TTC34: variants seen among roughly 807,000 people sequenced by gnomAD.
The protein encoded by TTC34 is tetratricopeptide repeat protein 34.
In TTC34, 44 loss-of-function variants were observed where a neutral mutation model predicts 40.7. The observed-to-expected ratio is 1.08, with a 90% CI of 0.85 to 1.39. The LOEUF is 1.39. TTC34 is among the 40% of genes most tolerant of loss of function. The pLI, the probability that TTC34 is intolerant of heterozygous loss-of-function variation, is 0.00. For missense variants in TTC34, 884 were observed against 838.0 expected (o/e 1.05, Z -0.68); for synonymous variants, 422 against 398.6 (o/e 1.06, Z -0.70).
chr1:2,787,059 G>C (rs1643599875), intron 4 of TTC34, among the ~76,000 whole-genome samples: 1 of 152,176 alleles, frequency 6.6e-6, no homozygotes, highest in Non-Finnish European at 1.5e-5. Context: ...GGGAGCAGGG[G>C]GTCTTGGAGG....
chr1:2,686,533 C>T (rs1363563674), intron 6 of TTC34, among the ~76,000 whole-genome samples: 1 of 110,472 alleles, frequency 9.1e-6, no homozygotes, highest in Non-Finnish European at 1.8e-5. Flanking sequence ...CCCAGGGGAG[C>T]ATCTGACAGC....
chr1:2,794,267 A>G (rs1340744129), intron 2 of TTC34, among the ~76,000 whole-genome samples: 1 of 152,174 alleles, frequency 6.6e-6, no homozygotes, highest in Non-Finnish European at 1.5e-5. Context: ...TCAGCCTCCA[A>G]AAGTGCTGGG....
chr1:2,750,237 C>A (rs1641270424), intron 6 of TTC34, among the ~76,000 whole-genome samples: 9 of 152,188 alleles, frequency 5.9e-5, no homozygotes, highest in African/African-American at 9.6e-5. Flanking sequence ...TGGAGCAGCA[C>A]CCACACCCAC....
intron 6 of TTC34, among the ~76,000 whole-genome samples, chr1:2,750,735 G>A (rs1641291828): frequency 4.8e-5 from 7 of 145,190 alleles, no homozygotes; most frequent in Non-Finnish European, 7.5e-5. Context: ...ACCCCCAGGT[G>A]AGCATCTGAT....
chr1:2,685,240 C>CG (rs371041549), intron 6 of TTC34, among the ~76,000 whole-genome samples: 5 of 23,172 alleles, frequency 2.2e-4, no homozygotes, highest in African/African-American at 7.8e-4. Flanking sequence ...CACCCACACC[C>CG]CAGGTGAGCA....
At chr1:2,640,698 C>T (rs1638882927) in exon 9 of TTC34, 1 of 152,086 alleles carries the variant, frequency 6.6e-6, no homozygotes. Context: ...AAGCAAAACG[C>T]AGCTTCACAC....
Position 2,787,587 on chromosome 1 carries a change from T to A in TTC34, c.1748A>T (p.His583Leu), listed in dbSNP as rs1234250703. The change falls in exon 4 of 9, where the codon CAC becomes CTC. Residue 583 changes from histidine to leucine, a missense_variant. Physicochemically the swap from His to Leu is moderately conservative, Grantham distance 99 (BLOSUM62 -3). Transcript: ENST00000401095. Reference sequence around the variant, plus strand: ...GGATAGGGCCACCAGCAGGGCCTTGTGGGTCTCCTCCAGGCGGCCCAGGCG... The same window carrying A: ...GGATAGGGCCACCAGCAGGGCCTTGAGGGTCTCCTCCAGGCGGCCCAGGCG... The A allele has an allele frequency of 2.6e-6, 4 of 1,549,172 alleles. No individual in the cohort carries two copies. The East Asian group carries it at 9.8e-5, about 38-fold the overall frequency.
In TTC34 at chr1:2,789,627, GC is replaced by G. The variant is rs904455888; in HGVS notation, c.1503del (p.Leu502CysfsTer54). 7.3e-7 allele frequency: 1 copy of G among 1,372,512 alleles called. No individual in the cohort carries two copies. The highest frequency in any genetic ancestry group is 1.7e-5 in the South Asian group (1 of 59,410). 85.0% of individuals were successfully genotyped at this position (1,372,512 alleles called of 1,614,324 possible). ...TCCTCCCGCAGCACCACCAGCAGCA[GC>G]CCCCGCTGGTTCCAGGGCACGTAGG... is the stretch of plus-strand genomic sequence containing the variant. On this transcript the variant is annotated frameshift_variant, in exon 3 of 9. Coordinates refer to ENST00000401095, the Ensembl canonical transcript of TTC34. LOFTEE classifies it high-confidence loss of function.
chr1:2,671,805 C>T, intron 6 of TTC34, among the ~76,000 whole-genome samples: 1 of 151,984 alleles, frequency 6.6e-6, no homozygotes, highest in Non-Finnish European at 1.5e-5. Flanking sequence ...AGGTGAGCAT[C>T]TGACCTCCCG....
Position 2,690,929 on chromosome 1 carries a change from C to A in TTC34, c.2227-45366G>T, listed in dbSNP as rs549386793. ...CAGGTGAGCATCTGACAGCCTGGAA[C>A]AGAACCCACACCTCCAGGTGAGCAT... On this transcript the variant is annotated intron_variant, in intron 6 of 8. Transcript: ENST00000401095. 8.0e-3 allele frequency among the ~76,000 whole-genome samples: 534 copies of A among 66,550 alleles called. 66 individuals carry two copies. The highest frequency in any genetic ancestry group is 0.026 in the African/African-American group (493 of 19,076). 43.7% of individuals were successfully genotyped at this position (66,550 alleles called of 152,430 possible). A position where few individuals can be genotyped will look rare whatever the true frequency, so the allele number is the denominator to read the frequency against.
chr1:2,768,079 C>A (rs1195554983), intron 6 of TTC34, among the ~76,000 whole-genome samples: 1 of 151,502 alleles, frequency 6.6e-6, no homozygotes, highest in African/African-American at 2.4e-5. Context: ...GGAACGGCAA[C>A]CCACATCCCC....
rs1015911842 is a variant in TTC34, at chr1:2,643,865, A to G, written c.2712+399T>C. On this transcript the variant is annotated intron_variant, in intron 8 of 8. Transcript: ENST00000401095. The stretch of plus-strand genomic sequence containing the variant: ...TGTAGTTCTGCCTCTGGGACCCCAA[A>G]GCCTGCTGTGCTCTTGGCCTCCCAG... 3.3e-5 allele frequency among the ~76,000 whole-genome samples: 5 copies of G among 152,222 alleles called. No individual in the cohort carries two copies. The South Asian group carries it at 1.0e-3, about 31-fold the overall frequency.
chr1:2,644,607 G>T, intron 7 of TTC34, 129 bp from the exon 8 acceptor site: 1 of 977,472 alleles, frequency 1.0e-6, no homozygotes, highest in Non-Finnish European at 1.5e-6. Context: ...CTCAGCCCAG[G>T]AAGAAGGAGC....
At position 2,641,656 on chromosome 1, in the gene TTC34, AC is replaced by A; in HGVS notation, c.2951del (p.Gly984ValfsTer5). ...CATCCCCCAGGCTCAGCAGCAGGCGACCCTGACGGCAGAAGTCCTCTGCCCG... is the reference window on the plus strand; with the variant it reads ...CATCCCCCAGGCTCAGCAGCAGGCGACCTGACGGCAGAAGTCCTCTGCCCG... On this transcript the variant is annotated frameshift_variant, in exon 9 of 9. Transcript: ENST00000401095. LOFTEE classifies it low-confidence loss of function (END_TRUNC). 6.5e-7 allele frequency: 1 copy of A among 1,535,274 alleles called. No homozygotes were observed.
rs1260421445 is a variant in TTC34, at chr1:2,652,129, AGGTGAG to A, written c.2227-6572_2227-6567del. Reference sequence around the variant, plus strand: ...GACTGGAACAGCACCCTGCACCCCCAGGTGAGCATCCGACAGCCTGGAACACAACCC... The same window carrying A: ...GACTGGAACAGCACCCTGCACCCCCACATCCGACAGCCTGGAACACAACCC... On this transcript the variant is annotated intron_variant, in intron 6 of 8. Transcript: ENST00000401095. 1.0e-4 allele frequency among the ~76,000 whole-genome samples: 14 copies of A among 134,444 alleles called. 1 individual carries two copies. Among genetic ancestry groups the A allele is most frequent in the South Asian group, 2.6e-4 (1 of 3,884 alleles). 88.2% of individuals were successfully genotyped at this position (134,444 alleles called of 152,430 possible). A position where few individuals can be genotyped will look rare whatever the true frequency, so the allele number is the denominator to read the frequency against.
At chr1:2,649,768 C>T (rs1639089209) in intron 6 of TTC34, among the ~76,000 whole-genome samples, 2 of 152,192 alleles carry the variant, frequency 1.3e-5, no homozygotes, top group African/African-American at 4.8e-5. Flanking sequence ...CCCACCTCGG[C>T]CTCCCAAAGT....
intron 6 of TTC34, among the ~76,000 whole-genome samples, chr1:2,751,408 C>G (rs1412841374): frequency 8.1e-6 from 1 of 124,138 alleles, no homozygotes; most frequent in Non-Finnish European, 1.7e-5. Flanking sequence ...CACCCACACA[C>G]ACAGGTGGGC....
At chr1:2,784,234 T>A (rs1326067936) in intron 5 of TTC34, among the ~76,000 whole-genome samples, 1 of 152,216 alleles carries the variant, frequency 6.6e-6, no homozygotes, top group East Asian at 1.9e-4. Flanking sequence ...CTTGGGCAGC[T>A]GAAGCAGAGA....
chr1:2,777,885 G>C (rs573777230), intron 6 of TTC34, among the ~76,000 whole-genome samples: 73 of 152,336 alleles, frequency 4.8e-4, no homozygotes, highest in African/African-American at 1.4e-3. Context: ...CCTTGGAGGA[G>C]GTTCCGGCAC....
Sources: gnomAD v4.1 joint callset for allele counts (sites outside exome capture counted in the v4.1 genomes callset) on GRCh38, gnomAD v4.1.1 for gene constraint, MANE v1.5 for transcripts, NCBI Gene and HGNC (gene_info 2026-07-23, HGNC 2026-07-21) for gene names.